HHAT: variants seen among roughly 807,000 people sequenced by gnomAD.
HHAT encodes the protein hedgehog acyltransferase, also known as protein-cysteine N-palmitoyltransferase HHAT.
HHAT carries 47 observed loss-of-function variants against 70.8 expected under a neutral mutation model. The ratio of observed to expected loss-of-function variants is 0.66; its 90% CI spans 0.53 to 0.85. The LOEUF (loss-of-function observed/expected upper bound fraction) is 0.85, where lower values mean the gene tolerates loss of function less well. Among genes scored for constraint, HHAT ranks in the 40% least tolerant of loss-of-function variants. The probability of loss-of-function intolerance (pLI) is 0.00; values close to 1 mark genes in which losing one functional copy is unlikely to be tolerated. For synonymous variants in HHAT, 228 were observed against 247.6 expected, an observed-to-expected ratio of 0.92 and a Z score of 0.74; for missense variants, 609 against 604.8, an observed-to-expected ratio of 1.01 and a Z score of -0.07.
In HHAT at chr1:210,676,268, TTAA is replaced by T. The variant is rs1225062795; in HGVS notation, c.*1893_*1895del. On this transcript the variant is annotated 3_prime_UTR_variant, in exon 12 of 12. Transcript: ENST00000261458. ...TATGATTCATAATGGTTCTCAGGAA[TTAA>T]TAAATGATTACTGTGTTTAGCTCTG... 2 of 152,228 alleles carry T rather than the reference TTAA, an allele frequency of 1.3e-5. No individual in the cohort carries two copies. Among genetic ancestry groups the T allele is most frequent in the African/African-American group, 4.8e-5 (2 of 41,454 alleles). The allele number at this position is 152,228 out of a possible 1,614,324, so 9.4% of individuals were successfully genotyped here. A position where few individuals can be genotyped will look rare whatever the true frequency, so the allele number is the denominator to read the frequency against.
chr1:210,332,661 C>T (rs947035200), intron 1 of HHAT, among the ~76,000 whole-genome samples: 4 of 152,250 alleles, frequency 2.6e-5, no homozygotes, highest in African/African-American at 4.8e-5. Context: ...TGAAAAACTC[C>T]GAAGCCTTGT....
chr1:210,409,135 G>A (rs1296286398), intron 6 of HHAT, among the ~76,000 whole-genome samples: 2 of 152,110 alleles, frequency 1.3e-5, no homozygotes, highest in African/African-American at 4.8e-5. Context: ...CAAAGTGCTG[G>A]GATTACAGGC....
chr1:210,496,800 A>G (rs2094652371), intron 8 of HHAT, among the ~76,000 whole-genome samples: 1 of 152,180 alleles, frequency 6.6e-6, no homozygotes, highest in South Asian at 2.1e-4. Flanking sequence ...GAAGCAAGAT[A>G]ATGGAAGTCT....
chr1:210,495,117 A>G (rs2094614817), intron 8 of HHAT, among the ~76,000 whole-genome samples: 1 of 152,150 alleles, frequency 6.6e-6, no homozygotes, highest in Non-Finnish European at 1.5e-5. Context: ...GCAGCCAGTG[A>G]GTTACCAGGA....
intron 9 of HHAT, among the ~76,000 whole-genome samples, chr1:210,537,354 G>T (rs2148651708): frequency 6.6e-6 from 1 of 152,238 alleles, no homozygotes; most frequent in African/African-American, 2.4e-5. Context: ...AGAAAGGTGG[G>T]CTGCCCTTCC....
At chr1:210,647,269 T>C (rs767568745) in intron 11 of HHAT, among the ~76,000 whole-genome samples, 16 of 152,224 alleles carry the variant, frequency 1.1e-4, no homozygotes, top group Non-Finnish European at 8.8e-5. Flanking sequence ...AGGGCCTATC[T>C]TCATTGAATG....
At chr1:210,410,769 G>A (rs866631309) in intron 6 of HHAT, among the ~76,000 whole-genome samples, 7 of 150,832 alleles carry the variant, frequency 4.6e-5, no homozygotes, top group Middle Eastern at 3.4e-3. Context: ...CAAGTGATCC[G>A]CCCGCCTTGG....
intron 6 of HHAT, 101 bp downstream of exon 6, chr1:210,404,780 C>G (rs1415638436): frequency 2.3e-6 from 2 of 854,252 alleles, no homozygotes; most frequent in African/African-American, 3.4e-5. Context: ...TCAGAGGTGC[C>G]CACAGATTTA....
chr1:210,509,580 A>G (rs560389289), intron 8 of HHAT, among the ~76,000 whole-genome samples: 22 of 152,274 alleles, frequency 1.4e-4, no homozygotes, highest in African/African-American at 5.3e-4. Context: ...GTATCTATCT[A>G]CCTCATAGGG....
intron 11 of HHAT, among the ~76,000 whole-genome samples, chr1:210,646,355 G>T (rs145768305): frequency 6.6e-6 from 1 of 152,136 alleles, no homozygotes; most frequent in African/African-American, 2.4e-5. Flanking sequence ...AACCTCTTGC[G>T]CTGGCAGGAT....
At chr1:210,638,218 T>C (rs1344841857) in intron 11 of HHAT, among the ~76,000 whole-genome samples, 2 of 152,226 alleles carry the variant, frequency 1.3e-5, no homozygotes, top group Non-Finnish European at 2.9e-5. Flanking sequence ...TGAAAACTTA[T>C]GTTCACACAA....
intron 1 of HHAT, among the ~76,000 whole-genome samples, chr1:210,346,114 C>G (rs144926410): frequency 2.6e-5 from 4 of 151,420 alleles, no homozygotes; most frequent in Non-Finnish European, 5.9e-5. Context: ...ATTATTAAAC[C>G]GAATTTTCTA....
At chr1:210,551,732 A>G (rs1009331362) in intron 9 of HHAT, among the ~76,000 whole-genome samples, 3 of 152,226 alleles carry the variant, frequency 2.0e-5, no homozygotes, top group African/African-American at 4.8e-5. Flanking sequence ...AACAAATTGG[A>G]TTATCAGCTC....
intron 6 of HHAT, among the ~76,000 whole-genome samples, chr1:210,415,163 T>C (rs1052137647): frequency 6.6e-6 from 1 of 152,250 alleles, no homozygotes; most frequent in African/African-American, 2.4e-5. Flanking sequence ...CATACAATAT[T>C]GAGGTACACA....
intron 6 of HHAT, among the ~76,000 whole-genome samples, chr1:210,412,584 C>A (rs894212227): frequency 2.0e-5 from 3 of 152,208 alleles, no homozygotes; most frequent in African/African-American, 4.8e-5. Context: ...TGAGGAAGTC[C>A]AAAACCTTAA....
intron 11 of HHAT, among the ~76,000 whole-genome samples, chr1:210,634,940 G>T (rs1671587961): frequency 6.6e-6 from 1 of 152,184 alleles, no homozygotes; most frequent in South Asian, 2.1e-4. Flanking sequence ...TGGGTGCAAG[G>T]CTAAGTTATT....
chr1:210,420,396 T>C (rs1202801943), intron 7 of HHAT, among the ~76,000 whole-genome samples: 1 of 152,220 alleles, frequency 6.6e-6, no homozygotes, highest in African/African-American at 2.4e-5. Flanking sequence ...GTTCTACATA[T>C]ACGAGGACAC....
intron 9 of HHAT, among the ~76,000 whole-genome samples, chr1:210,514,650 A>G (rs532756123): frequency 1.2e-4 from 19 of 152,294 alleles, no homozygotes; most frequent in African/African-American, 3.6e-4. Flanking sequence ...CTTGTATAGG[A>G]TCAACCTTCA....
chr1:210,452,997 T>A lies in HHAT; in HGVS notation c.857-11508T>A, dbSNP rs80350291. On this transcript the variant is annotated intron_variant, in intron 7 of 11. Transcript: ENST00000261458. ...GTCTAAGTGTAAGTAATCAGAGTTT[T>A]TTAGCTCAGTGTTTAAGTACCAACT... is the stretch of plus-strand genomic sequence containing the variant. Among the ~76,000 whole-genome samples, 1,213 of 152,346 alleles carry A rather than the reference T, an allele frequency of 8.0e-3. 18 individuals are homozygous for A. Among genetic ancestry groups the A allele is most frequent in the African/African-American group, 0.027 (1,111 of 41,570 alleles).
Sources: gnomAD v4.1 joint callset for allele counts (sites outside exome capture counted in the v4.1 genomes callset) on GRCh38, gnomAD v4.1.1 for gene constraint, MANE v1.5 for transcripts, NCBI Gene and HGNC (gene_info 2026-07-23, HGNC 2026-07-21) for gene names.